The following ANKRD30BL variants were observed in gnomAD, a reference collection of about 807,000 sequenced individuals.
The protein encoded by ANKRD30BL is putative ankyrin repeat domain-containing protein 30B-like.
Under a neutral mutation model 18.4 loss-of-function variants are expected in ANKRD30BL, and 20 were observed. The ratio of observed to expected loss-of-function variants is 1.09; its 90% CI spans 0.77 to 1.58. The LOEUF (loss-of-function observed/expected upper bound fraction) is 1.58. Among genes scored for constraint, ANKRD30BL ranks in the 40% most tolerant of loss-of-function variants. The pLI, the probability that ANKRD30BL is intolerant of heterozygous loss-of-function variation, is 0.00. For synonymous variants in ANKRD30BL, 72 were observed against 100.9 expected (o/e 0.71, Z 1.72); for missense variants, 224 against 268.6 (o/e 0.83, Z 1.16).
chr2:132,171,091 C>G (rs895406878), intron 1 of ANKRD30BL, among the ~76,000 whole-genome samples: 7 of 149,742 alleles, frequency 4.7e-5, no homozygotes, highest in Admixed American at 4.1e-4. Context: ...GGAGGCGGAG[C>G]CTGCAGTGAG....
chr2:132,239,429 T>C (rs568472054), intron 1 of ANKRD30BL, among the ~76,000 whole-genome samples: 3 of 152,040 alleles, frequency 2.0e-5, no homozygotes, highest in Non-Finnish European at 4.4e-5. Flanking sequence ...AAGTGGAATC[T>C]TGAATCGCTT....
chr2:132,230,436 T>A lies in ANKRD30BL; in HGVS notation n.441+27093A>T, dbSNP rs549264123. ...TTTGTATTATATGCAAGTGGACAAATGGAGCGCTTTGAGGGCTATGGTTGA... is the reference window on the plus strand; with the variant it reads ...TTTGTATTATATGCAAGTGGACAAAAGGAGCGCTTTGAGGGCTATGGTTGA... On this transcript the variant is annotated intron_variant and non_coding_transcript_variant, in intron 1 of 4. Coordinates refer to the ANKRD30BL transcript ENST00000470729. 1.3e-3 allele frequency among the ~76,000 whole-genome samples: 205 copies of A among 152,162 alleles called. 1 individual carries two copies. The highest frequency in any genetic ancestry group is 4.6e-3 in the African/African-American group (191 of 41,558).
chr2:132,159,645 A>G (rs1688003945), intron 1 of ANKRD30BL, among the ~76,000 whole-genome samples: 1 of 152,200 alleles, frequency 6.6e-6, no homozygotes, highest in African/African-American at 2.4e-5. Flanking sequence ...TATCTATAAA[A>G]TGACGATTTA....
At chr2:132,222,832 T>TTAAAAAAAAAA (rs559303905) in intron 1 of ANKRD30BL, among the ~76,000 whole-genome samples, 1 of 52,808 alleles carries the variant, frequency 1.9e-5, no homozygotes, top group Non-Finnish European at 3.8e-5. Context: ...GAATGATCAA[T>TTAAAAAAAAAA]AAAAAAAAAA....
intron 1 of ANKRD30BL, among the ~76,000 whole-genome samples, chr2:132,160,792 C>T (rs991670619): frequency 1.3e-5 from 2 of 151,954 alleles, no homozygotes; most frequent in African/African-American, 2.4e-5. Flanking sequence ...TTTTCTACTC[C>T]GTTACAAAAT....
intron 1 of ANKRD30BL, among the ~76,000 whole-genome samples, chr2:132,193,678 T>C (rs900650358): frequency 1.7e-4 from 26 of 152,298 alleles, no homozygotes; most frequent in African/African-American, 6.0e-4. Context: ...ACATTCTGAA[T>C]GCAGGGGGCA....
intron 1 of ANKRD30BL, among the ~76,000 whole-genome samples, chr2:132,198,721 G>A (rs1468857237): frequency 1.3e-5 from 2 of 151,204 alleles, no homozygotes; most frequent in Admixed American, 1.3e-4. Flanking sequence ...AGGTTCAAGC[G>A]ATTTTCCTGC....
At chr2:132,193,718 C>A (rs1307530832) in intron 1 of ANKRD30BL, among the ~76,000 whole-genome samples, 1 of 151,896 alleles carries the variant, frequency 6.6e-6, no homozygotes, top group African/African-American at 2.4e-5. Flanking sequence ...TATCACAGAT[C>A]TTTATATAGT....
At chr2:132,181,008 G>A (rs1473834550) in intron 1 of ANKRD30BL, among the ~76,000 whole-genome samples, 4 of 152,038 alleles carry the variant, frequency 2.6e-5, no homozygotes, top group East Asian at 1.9e-4. Context: ...TTAGCCAGGC[G>A]TGGTGGCGGG....
intron 1 of ANKRD30BL, among the ~76,000 whole-genome samples, chr2:132,219,793 C>G (rs998687144): frequency 6.6e-6 from 1 of 151,800 alleles, no homozygotes; most frequent in Non-Finnish European, 1.5e-5. Flanking sequence ...ATATTTGAAG[C>G]GCTTTGAGGA....
At chr2:132,218,192 G>A (rs141015966) in intron 1 of ANKRD30BL, among the ~76,000 whole-genome samples, 4 of 150,378 alleles carry the variant, frequency 2.7e-5, no homozygotes, top group African/African-American at 7.3e-5. Context: ...AGAGTTGAAC[G>A]TTTCTTTTGA....
upstream of ANKRD30BL, chr2:132,258,003 T>C (rs10175641): frequency 0.13 from 19,739 of 152,364 alleles, 2,483 homozygotes; most frequent in African/African-American, 0.33. Context: ...ACACGGCCCG[T>C]GCGCAGCCGC....
At chr2:132,191,428 T>C (rs1270041407) in intron 1 of ANKRD30BL, among the ~76,000 whole-genome samples, 2 of 152,074 alleles carry the variant, frequency 1.3e-5, no homozygotes, top group African/African-American at 4.8e-5. Context: ...ATATTCTAGG[T>C]CAAATTGTAA....
At chr2:132,256,492 C>G (rs76537046) in intron 1 of ANKRD30BL, among the ~76,000 whole-genome samples, 2 of 152,220 alleles carry the variant, frequency 1.3e-5, no homozygotes, top group African/African-American at 4.8e-5. Flanking sequence ...CGGGGCGGCC[C>G]CGACGTTTGG....
rs535259753 is a variant in ANKRD30BL, at chr2:132,242,080, C to G, written n.441+15449G>C. 4.5e-3 allele frequency among the ~76,000 whole-genome samples: 673 copies of G among 151,010 alleles called. 9 individuals are homozygous for G. The highest frequency in any genetic ancestry group is 0.016 in the African/African-American group (646 of 41,362). On this transcript the variant is annotated intron_variant and non_coding_transcript_variant, in intron 1 of 4. Transcript: ENST00000470729. ...CAGAAACTACTTTGTGATGTGTGTA[C>G]TCAATTCACAGAGTTAAACATTTTT...
chr2:132,173,030 C>A (rs111372405), intron 1 of ANKRD30BL, among the ~76,000 whole-genome samples: 1 of 127,426 alleles, frequency 7.8e-6, no homozygotes, highest in African/African-American at 3.0e-5. Flanking sequence ...ATGCACAGAA[C>A]TTTTACTTTT....
intron 1 of ANKRD30BL, among the ~76,000 whole-genome samples, chr2:132,186,671 A>G (rs988053282): frequency 5.9e-5 from 9 of 152,250 alleles, no homozygotes; most frequent in Non-Finnish European, 1.3e-4. Context: ...ATAACTCAAA[A>G]TAATTAGAAC....
rs920301220 is a variant in ANKRD30BL, at chr2:132,151,415, C to CA, written c.615-440dup. Among the ~76,000 whole-genome samples the CA allele has an allele frequency of 4.4e-4, 66 of 151,536 alleles. 1 individual carries two copies. The highest frequency in any genetic ancestry group is 1.3e-3 in the African/African-American group (54 of 41,362). On this transcript the variant is annotated intron_variant, in intron 4 of 5. Transcript: ENST00000409867. ...AAAATGCTTAAAATAAAAAATGAAG[C>CA]AAAAAAAATTTGTTCTTGAACCTTA...
chr2:132,235,511 T>C (rs1304167116), intron 1 of ANKRD30BL, among the ~76,000 whole-genome samples: 2 of 152,108 alleles, frequency 1.3e-5, no homozygotes, highest in Admixed American at 1.3e-4. Context: ...AAAATCAATG[T>C]ACAAAAATCA....
Sources: allele counts gnomAD v4.1 joint callset (sites outside exome capture counted in the v4.1 genomes callset), GRCh38; gene constraint gnomAD v4.1.1; transcripts MANE v1.5; gene names NCBI Gene and HGNC (gene_info 2026-07-23, HGNC 2026-07-21).